The following FAM90A20 variants were observed in gnomAD, a reference collection of about 807,000 sequenced individuals.
The protein encoded by FAM90A20 is protein FAM90A20.
chr8:7,296,718 C>A, the FAM90A20 span, among the ~76,000 whole-genome samples: 1 of 135,788 alleles, frequency 7.4e-6, no homozygotes, highest in East Asian at 2.0e-4. Flanking sequence ...TCATAGAAGA[C>A]GTCCCGAGTA....
chr8:7,296,862 A>G, the FAM90A20 span, among the ~76,000 whole-genome samples: 2 of 136,802 alleles, frequency 1.5e-5, no homozygotes, highest in Admixed American at 1.3e-4. Context: ...GATCAGCTAC[A>G]CATAGCTCGA....
chr8:7,295,840 G>T, the FAM90A20 span: 2 of 762,774 alleles, frequency 2.6e-6, no homozygotes, highest in East Asian at 2.5e-5. Context: ...GGTGAGCAGT[G>T]GGAGGGGTTT....
chr8:7,297,312 C>T, the FAM90A20 span: 20 of 1,353,072 alleles, frequency 1.5e-5, 3 homozygotes, highest in East Asian at 9.1e-5. Context: ...GTGGTGGAGC[C>T]GACACACAGC....
At chr8:7,297,425 A>G in the FAM90A20 span, 1 of 1,554,324 alleles carries the variant, frequency 6.4e-7, no homozygotes, top group South Asian at 1.1e-5. Flanking sequence ...TCCTGCGGTG[A>G]CCTCACAGCC....
the FAM90A20 span, chr8:7,297,867 C>G: frequency 2.5e-6 from 2 of 802,390 alleles, no homozygotes; most frequent in East Asian, 2.6e-5. Flanking sequence ...GCGGCCCCCT[C>G]ATTTCACTCT....
chr8:7,297,451 C>T, the FAM90A20 span: 3 of 1,553,204 alleles, frequency 1.9e-6, 1 homozygote, highest in Non-Finnish European at 2.6e-6. Flanking sequence ...CATCAGCCGC[C>T]ACACACAGCT....
the FAM90A20 span, chr8:7,297,144 A>C: frequency 2.2e-4 from 343 of 1,526,314 alleles, 30 homozygotes; most frequent in Admixed American, 4.9e-4. Flanking sequence ...TCAGCTACCG[A>C]AATGTCTGGC....
chr8:7,295,611 C>G, the FAM90A20 span: 2,124 of 651,602 alleles, frequency 3.3e-3, 253 homozygotes, highest in South Asian at 0.024. Flanking sequence ...TCACTGACAT[C>G]ACTTCCTTTC....
chr8:7,297,668 C>G, the FAM90A20 span: 7 of 1,389,158 alleles, frequency 5.0e-6, no homozygotes, highest in Non-Finnish European at 6.9e-6. Context: ...TAGGTCGCCC[C>G]AGATGGGCAG....
chr8:7,295,580 C>T, the FAM90A20 span: 5 of 667,996 alleles, frequency 7.5e-6, 1 homozygote, highest in Non-Finnish European at 1.3e-5. Flanking sequence ...CGTGGGATCG[C>T]TGCCTGTGGC....
At chr8:7,296,737 C>G in the FAM90A20 span, among the ~76,000 whole-genome samples, 1 of 135,890 alleles carries the variant, frequency 7.4e-6, no homozygotes, top group Non-Finnish European at 1.5e-5. Flanking sequence ...TACCCTTGAG[C>G]CACCAACCTG....
At chr8:7,296,301 G>A in the FAM90A20 span, 6 of 736,732 alleles carry the variant, frequency 8.1e-6, no homozygotes, top group East Asian at 1.0e-4. Flanking sequence ...AACAAGACCC[G>A]CAGAGGAAGG....
the FAM90A20 span, chr8:7,295,530 C>G: frequency 3.3e-6 from 2 of 605,814 alleles, no homozygotes; most frequent in Non-Finnish European, 5.8e-6. Context: ...TCTTTGGAAT[C>G]CTTATTCAGC....
the FAM90A20 span, chr8:7,297,692 C>G: frequency 7.1e-7 from 1 of 1,414,068 alleles, no homozygotes; most frequent in Non-Finnish European, 9.7e-7. Context: ...GACACCGGCC[C>G]AGGTGCCCAG....
the FAM90A20 span, among the ~76,000 whole-genome samples, chr8:7,296,854 T>C: frequency 7.3e-6 from 1 of 136,788 alleles, no homozygotes; most frequent in Non-Finnish European, 1.5e-5. Context: ...TGTGCTTAGA[T>C]CAGCTACACA....
At chr8:7,296,668 G>T in the FAM90A20 span, among the ~76,000 whole-genome samples, 1 of 134,634 alleles carries the variant, frequency 7.4e-6, no homozygotes, top group East Asian at 2.0e-4. Flanking sequence ...CTCAGAGGCC[G>T]CAAACGTGGA....
the FAM90A20 span, chr8:7,297,389 G>T: frequency 5.7e-5 from 87 of 1,524,292 alleles, 7 homozygotes; most frequent in Non-Finnish European, 7.2e-5. Context: ...GCTCCAGGCC[G>T]TCAGAACCCA....
the FAM90A20 span, chr8:7,296,959 C>A: frequency 1.9e-6 from 2 of 1,044,908 alleles, no homozygotes; most frequent in Non-Finnish European, 2.7e-6. Context: ...CGATACTGTA[C>A]TAAGAATTTC....
the FAM90A20 span, chr8:7,297,629 C>T: frequency 1.4e-6 from 2 of 1,414,830 alleles, no homozygotes; most frequent in East Asian, 2.3e-5. Context: ...TCTCCAACCT[C>T]CACCAGCCGC....
Sources: allele counts gnomAD v4.1 joint callset (sites outside exome capture counted in the v4.1 genomes callset), GRCh38; gene constraint gnomAD v4.1.1; transcripts MANE v1.5; gene names NCBI Gene and HGNC (gene_info 2026-07-23, HGNC 2026-07-21).